The following MSN variants were observed in gnomAD, a reference collection of about 807,000 sequenced individuals.
MSN encodes the protein epididymis luminal protein 70.
MSN carries 2 observed loss-of-function variants against 48.0 expected under a neutral mutation model. The ratio of observed to expected loss-of-function variants is 0.04; its 90% CI spans 0.02 to 0.13. MSN has a LOEUF of 0.13. MSN is among the 10% of genes least tolerant of loss of function. The pLI is 1.00. For synonymous variants in MSN, 146 were observed against 166.9 expected (o/e 0.87, Z 0.97); for missense variants, 267 against 470.1 (o/e 0.57, Z 3.99).
chrX:65,661,462 C>T (rs1037517452), intron 1 of MSN, among the ~76,000 whole-genome samples: 1 of 112,253 alleles, frequency 8.9e-6, no homozygotes, highest in Non-Finnish European at 1.9e-5. Flanking sequence ...AGGAATGAAG[C>T]TGATTGATCA....
intron 1 of MSN, among the ~76,000 whole-genome samples, chrX:65,652,073 C>T (rs948028218): frequency 2.8e-5 from 3 of 108,877 alleles, no homozygotes; most frequent in African/African-American, 1.0e-4. Flanking sequence ...CTTTCATCCC[C>T]TGTGCAGTCT....
At chrX:65,619,936 C>G (rs1480893945) in intron 1 of MSN, among the ~76,000 whole-genome samples, 3 of 110,803 alleles carry the variant, frequency 2.7e-5, no homozygotes, top group Admixed American at 9.6e-5. Flanking sequence ...AGAGAGGACC[C>G]TCAGCTGCAG....
At chrX:65,720,807 G>A (rs2071509269) in intron 2 of MSN, among the ~76,000 whole-genome samples, 1 of 112,148 alleles carries the variant, frequency 8.9e-6, no homozygotes, top group Non-Finnish European at 1.9e-5. Context: ...TAAATAATAG[G>A]CAACAATGGG....
At chrX:65,722,293 TGGGGGTCTCA>T (rs1042013785) in intron 2 of MSN, among the ~76,000 whole-genome samples, 1 of 110,933 alleles carries the variant, frequency 9.0e-6, no homozygotes, top group Non-Finnish European at 1.9e-5. Context: ...AATGGTATCT[TGGGGGTCTCA>T]GGTGTTTGGG....
intron 1 of MSN, among the ~76,000 whole-genome samples, chrX:65,617,581 T>A (rs766271495): frequency 4.7e-5 from 5 of 105,987 alleles, no homozygotes; most frequent in African/African-American, 1.9e-4. Context: ...ATTGCGTCTA[T>A]TTGATTCTTC....
chrX:65,736,172 A>C (rs2071673640), intron 8 of MSN, among the ~76,000 whole-genome samples: 1 of 111,654 alleles, frequency 9.0e-6, no homozygotes, highest in African/African-American at 3.3e-5. Context: ...TGGATAGGGC[A>C]GGTCTTATTG....
intron 1 of MSN, among the ~76,000 whole-genome samples, chrX:65,645,523 G>A (rs1311215712): frequency 1.8e-5 from 2 of 110,779 alleles, no homozygotes; most frequent in African/African-American, 6.6e-5. Flanking sequence ...GAGGGGGACA[G>A]CTTTTCTTTT....
intron 1 of MSN, among the ~76,000 whole-genome samples, chrX:65,609,395 T>G (rs752413945): frequency 3.6e-5 from 4 of 110,913 alleles, no homozygotes; most frequent in African/African-American, 6.6e-5. Context: ...AAAATTGACC[T>G]CTTAAAGAGC....
intron 1 of MSN, among the ~76,000 whole-genome samples, chrX:65,610,835 C>T (rs1443942394): frequency 8.9e-6 from 1 of 112,072 alleles, no homozygotes. Flanking sequence ...ACTTAACATG[C>T]CACTGCACTC....
At chrX:65,615,135 T>C (rs2070357443) in intron 1 of MSN, among the ~76,000 whole-genome samples, 1 of 110,039 alleles carries the variant, frequency 9.1e-6, no homozygotes, top group African/African-American at 3.3e-5. Context: ...TCCAAGTCTT[T>C]GCTATTGTGA....
intron 1 of MSN, among the ~76,000 whole-genome samples, chrX:65,678,160 C>G (rs1436872915): frequency 1.8e-5 from 2 of 111,691 alleles, no homozygotes; most frequent in Non-Finnish European, 3.8e-5. Context: ...ATTTTCTCCC[C>G]CCTCAAGTTA....
intron 1 of MSN, among the ~76,000 whole-genome samples, chrX:65,596,898 C>A (rs1388839733): frequency 9.0e-6 from 1 of 111,492 alleles, no homozygotes; most frequent in Non-Finnish European, 1.9e-5. Context: ...CTGTACTGGG[C>A]TTTCATTGGA....
chrX:65,674,623 G>A (rs1291209362), intron 1 of MSN, among the ~76,000 whole-genome samples: 1 of 111,988 alleles, frequency 8.9e-6, no homozygotes, highest in African/African-American at 3.3e-5. Flanking sequence ...CAGCGCTCCA[G>A]CTTGATCTGT....
chrX:65,622,096 CT>C (rs757740196), intron 1 of MSN, among the ~76,000 whole-genome samples: 939 of 90,581 alleles, frequency 0.01, 6 homozygotes, highest in African/African-American at 0.022. Flanking sequence ...CTTTTCTTTT[CT>C]TTTTTTTTTT....
intron 1 of MSN, among the ~76,000 whole-genome samples, chrX:65,676,847 C>T (rs1053918244): frequency 1.8e-5 from 2 of 108,591 alleles, no homozygotes; most frequent in Admixed American, 9.9e-5. Flanking sequence ...TTTTTTGAGA[C>T]GGAGTCTTGC....
At chrX:65,613,826 G>T (rs1410824348) in intron 1 of MSN, among the ~76,000 whole-genome samples, 8 of 111,999 alleles carry the variant, frequency 7.1e-5, no homozygotes, top group Non-Finnish European at 1.3e-4. Context: ...TAGGTTGCCT[G>T]TTCACTCTGA....
chrX:65,706,031 T>A (rs915516507), intron 1 of MSN, among the ~76,000 whole-genome samples: 1 of 111,829 alleles, frequency 8.9e-6, no homozygotes, highest in Non-Finnish European at 1.9e-5. Flanking sequence ...CAGTTACCAC[T>A]TCCAAGTCAA....
chrX:65,602,771 T>C (rs1461220215), intron 1 of MSN, among the ~76,000 whole-genome samples: 1 of 112,295 alleles, frequency 8.9e-6, no homozygotes, highest in East Asian at 2.8e-4. Flanking sequence ...TGAAATAATG[T>C]ATGTATGGTG....
At chrX:65,716,133 A>T in intron 1 of MSN, among the ~76,000 whole-genome samples, 1 of 111,978 alleles carries the variant, frequency 8.9e-6, no homozygotes, top group East Asian at 2.8e-4. Context: ...GCAATTGTTT[A>T]CCAGTGCTAT....
Sources: gnomAD v4.1 joint callset for allele counts (sites outside exome capture counted in the v4.1 genomes callset) on GRCh38, gnomAD v4.1.1 for gene constraint, MANE v1.5 for transcripts, NCBI Gene and HGNC (gene_info 2026-07-23, HGNC 2026-07-21) for gene names.